GPHN: variants seen among roughly 807,000 people sequenced by gnomAD.
GPHN encodes gephyrin.
GPHN carries 17 observed loss-of-function variants against 95.5 expected under a neutral mutation model. The observed-to-expected ratio is 0.18, with a 90% confidence interval of 0.12 to 0.27. The LOEUF (loss-of-function observed/expected upper bound fraction) is 0.27. Among genes scored for constraint, GPHN ranks in the 10% least tolerant of loss-of-function variants. GPHN has a pLI of 1.00. For synonymous variants in GPHN, 320 were observed against 322.5 expected (o/e 0.99, Z 0.08); for missense variants, 660 against 978.1 (o/e 0.67, Z 4.34).
intron 17 of GPHN, among the ~76,000 whole-genome samples, chr14:67,141,953 G>A (rs1026133298): frequency 6.6e-6 from 1 of 152,202 alleles, no homozygotes; most frequent in Non-Finnish European, 1.5e-5. Context: ...CTCGTTGAGA[G>A]ATCATTTGTT....
At chr14:66,524,547 T>C (rs2058611512) in intron 1 of GPHN, among the ~76,000 whole-genome samples, 1 of 152,134 alleles carries the variant, frequency 6.6e-6, no homozygotes, top group African/African-American at 2.4e-5. Flanking sequence ...GTGCAGAACA[T>C]GCAGGTTTGT....
chr14:67,137,606 A>T (rs2080172600), intron 17 of GPHN, among the ~76,000 whole-genome samples: 1 of 152,132 alleles, frequency 6.6e-6, no homozygotes, highest in African/African-American at 2.4e-5. Context: ...TACAAAAAAC[A>T]CAAAAAATAT....
chr14:67,286,734 T>C, the GPHN span, among the ~76,000 whole-genome samples: 1 of 151,164 alleles, frequency 6.6e-6, no homozygotes, highest in Non-Finnish European at 1.5e-5. Flanking sequence ...GGAATGCGAC[T>C]GTGGTCTTAG....
chr14:66,571,672 G>A (rs775480011), intron 1 of GPHN, among the ~76,000 whole-genome samples: 3 of 152,198 alleles, frequency 2.0e-5, no homozygotes, highest in Admixed American at 6.5e-5. Flanking sequence ...TTAGCCAGGC[G>A]TGGTGGCAGG....
chr14:66,585,932 C>T (rs2061401129), intron 1 of GPHN, among the ~76,000 whole-genome samples: 1 of 152,092 alleles, frequency 6.6e-6, no homozygotes, highest in Non-Finnish European at 1.5e-5. Context: ...GAGTTCAATT[C>T]CTGGATATCC....
chr14:67,336,227 G>A, the GPHN span: 1 of 152,122 alleles, frequency 6.6e-6, no homozygotes, highest in Admixed American at 6.6e-5. Flanking sequence ...TTTTTCTGCT[G>A]TACATCTCCC....
chr14:66,617,264 G>C (rs1432330976), intron 1 of GPHN, among the ~76,000 whole-genome samples: 1 of 152,206 alleles, frequency 6.6e-6, no homozygotes, highest in Admixed American at 6.5e-5. Context: ...AGGGAGCTCA[G>C]TAGGCTTCAG....
At chr14:67,160,943 T>C (rs1359714229) in intron 19 of GPHN, among the ~76,000 whole-genome samples, 1 of 152,222 alleles carries the variant, frequency 6.6e-6, no homozygotes, top group Non-Finnish European at 1.5e-5. Context: ...TGTAGTTGCA[T>C]GTTGAGCATG....
intron 1 of GPHN, among the ~76,000 whole-genome samples, chr14:66,565,676 T>C (rs1038912137): frequency 2.0e-5 from 3 of 152,200 alleles, no homozygotes; most frequent in Non-Finnish European, 2.9e-5. Context: ...AAAAGGATTA[T>C]ATAAAGTGAT....
intron 1 of GPHN, among the ~76,000 whole-genome samples, chr14:66,510,848 AC>A (rs994980804): frequency 6.6e-6 from 1 of 152,152 alleles, no homozygotes; most frequent in African/African-American, 2.4e-5. Context: ...AGAGAAGGTA[AC>A]ATTAACATTG....
At chr14:67,672,071 G>C in the GPHN span, among the ~76,000 whole-genome samples, 1 of 151,872 alleles carries the variant, frequency 6.6e-6, no homozygotes, top group Admixed American at 6.6e-5. Context: ...TAGACTTATA[G>C]AAATGGGCAT....
the GPHN span, among the ~76,000 whole-genome samples, chr14:67,422,658 A>G: frequency 3.3e-3 from 500 of 152,290 alleles, 1 homozygote; most frequent in Non-Finnish European, 5.1e-3. Flanking sequence ...TCTCTCATAC[A>G]TGGAAGAAAA....
chr14:67,047,384 G>A (rs1440188006), intron 10 of GPHN, among the ~76,000 whole-genome samples: 2 of 59,914 alleles, frequency 3.3e-5, no homozygotes, highest in Admixed American at 3.8e-4. Flanking sequence ...TTTTTTTTTT[G>A]AGACAGAGTC....
At position 67,110,470 on chromosome 14, in the gene GPHN, G is replaced by T. The variant is rs117677174; in HGVS notation, c.1413+211G>T. Among the ~76,000 whole-genome samples, 1,184 of 152,214 alleles carry T rather than the reference G, an allele frequency of 7.8e-3. 6 individuals carry two copies. The highest frequency in any genetic ancestry group is 0.012 in the Non-Finnish European group (809 of 68,008). On this transcript the variant is annotated intron_variant, in intron 14 of 22. Coordinates refer to ENST00000478722, the MANE Select transcript of GPHN (RefSeq NM_020806.5). ...TTGAAAATCTGTTGTTACAGGAGGG[G>T]TTTCTATGATCATTGCTGTTATAGC...
At chr14:67,117,610 C>T (rs1466114989) in intron 16 of GPHN, among the ~76,000 whole-genome samples, 1 of 152,132 alleles carries the variant, frequency 6.6e-6, no homozygotes, top group Non-Finnish European at 1.5e-5. Flanking sequence ...CTCCCAAAGC[C>T]AGTTTCTCAT....
the GPHN span, among the ~76,000 whole-genome samples, chr14:67,248,487 T>C: frequency 2.6e-5 from 4 of 152,366 alleles, no homozygotes; most frequent in South Asian, 8.3e-4. Flanking sequence ...TTCTTGATTA[T>C]GATATAACAT....
the GPHN span, among the ~76,000 whole-genome samples, chr14:67,655,358 C>T: frequency 6.6e-6 from 1 of 152,036 alleles, no homozygotes; most frequent in Non-Finnish European, 1.5e-5. Flanking sequence ...TGTAGGTTAA[C>T]TCATTTATGG....
chr14:66,894,159 CAG>C (rs752520220), intron 5 of GPHN, among the ~76,000 whole-genome samples: 1 of 152,094 alleles, frequency 6.6e-6, no homozygotes, highest in Non-Finnish European at 1.5e-5. Context: ...GGTACCAAAA[CAG>C]AGATATAGAC....
chr14:66,842,717 G>GT, intron 4 of GPHN: 1 of 1,529,218 alleles, frequency 6.5e-7, no homozygotes, highest in South Asian at 1.2e-5. Context: ...CCAGAAAGGG[G>GT]TAAGCGAAGA....
Sources: allele counts gnomAD v4.1 joint callset (sites outside exome capture counted in the v4.1 genomes callset), GRCh38; gene constraint gnomAD v4.1.1; transcripts MANE v1.5; gene names NCBI Gene and HGNC (gene_info 2026-07-23, HGNC 2026-07-21).